MACROD2: variants seen among roughly 807,000 people sequenced by gnomAD.
MACROD2 encodes the protein ADP-ribose glycohydrolase MACROD2.
Under a neutral mutation model 70.4 loss-of-function variants are expected in MACROD2, and 36 were observed. That is an observed-to-expected ratio of 0.51 (90% CI 0.39 to 0.68). MACROD2 has a LOEUF of 0.68. Among genes scored for constraint, MACROD2 ranks in the 30% least tolerant of loss-of-function variants. The pLI is 0.00. For missense variants in MACROD2, 496 were observed against 538.4 expected, an observed-to-expected ratio of 0.92 and a Z score of 0.78; for synonymous variants, 172 against 178.8, an observed-to-expected ratio of 0.96 and a Z score of 0.30.
intron 5 of MACROD2, among the ~76,000 whole-genome samples, chr20:14,819,519 CA>C (rs2072815603): frequency 6.6e-6 from 1 of 151,914 alleles, no homozygotes; most frequent in South Asian, 2.1e-4. Context: ...GACAGAGAAA[CA>C]AAACCTTCCC....
intron 3 of MACROD2, among the ~76,000 whole-genome samples, chr20:14,279,971 T>C (rs2082293461): frequency 6.6e-6 from 1 of 152,184 alleles, no homozygotes; most frequent in African/African-American, 2.4e-5. Context: ...TATCCTACCC[T>C]ATGGGATAGT....
chr20:14,743,668 A>G (rs1851482545), intron 5 of MACROD2, among the ~76,000 whole-genome samples: 1 of 150,100 alleles, frequency 6.7e-6, no homozygotes, highest in African/African-American at 2.4e-5. Flanking sequence ...GATTTGTTAC[A>G]AGAGCAATAG....
chr20:14,386,606 C>G (rs776307235), intron 3 of MACROD2, among the ~76,000 whole-genome samples: 1 of 150,864 alleles, frequency 6.6e-6, no homozygotes, highest in Non-Finnish European at 1.5e-5. Flanking sequence ...CTCTTTCTCT[C>G]TCTCTCTTGC....
chr20:15,820,480 C>T (rs2063927861), intron 8 of MACROD2, among the ~76,000 whole-genome samples: 1 of 152,192 alleles, frequency 6.6e-6, no homozygotes, highest in African/African-American at 2.4e-5. Context: ...TCATGAACCA[C>T]TGTGCCTGGG....
chr20:15,779,809 G>A (rs1163604365), intron 8 of MACROD2, among the ~76,000 whole-genome samples: 3 of 152,092 alleles, frequency 2.0e-5, no homozygotes, highest in Admixed American at 6.6e-5. Flanking sequence ...AGAACCTGCC[G>A]CAGGAGATAT....
chr20:15,933,203 G>A, intron 10 of MACROD2, 73 bp from the exon 11 acceptor site: 1 of 1,410,516 alleles, frequency 7.1e-7, no homozygotes, highest in South Asian at 1.2e-5. Flanking sequence ...TTTCAGTGCT[G>A]CATATTAGCC....
chr20:15,237,856 CCCAGCATTT>C (rs2077027873), intron 6 of MACROD2, among the ~76,000 whole-genome samples: 1 of 152,074 alleles, frequency 6.6e-6, no homozygotes, highest in Admixed American at 6.5e-5. Flanking sequence ...TCATTAACTT[CCCAGCATTT>C]CTTATCTGCC....
chr20:14,930,561 T>G (rs2074284622), intron 5 of MACROD2, among the ~76,000 whole-genome samples: 3 of 152,050 alleles, frequency 2.0e-5, no homozygotes, highest in Non-Finnish European at 4.4e-5. Context: ...ACCTAACTTT[T>G]AGCATTGTTG....
intron 3 of MACROD2, among the ~76,000 whole-genome samples, chr20:14,328,013 C>T (rs1413112230): frequency 6.6e-6 from 1 of 151,882 alleles, no homozygotes. Flanking sequence ...TTTATATTTA[C>T]TTTTTATTAG....
chr20:14,116,141 T>G (rs981197432), intron 3 of MACROD2, among the ~76,000 whole-genome samples: 7 of 152,204 alleles, frequency 4.6e-5, no homozygotes, highest in African/African-American at 1.7e-4. Flanking sequence ...TAGGAAGCAA[T>G]TCTACTCATT....
chr20:15,040,422 T>C (rs1303130682), intron 5 of MACROD2, among the ~76,000 whole-genome samples: 3 of 152,058 alleles, frequency 2.0e-5, no homozygotes, highest in African/African-American at 7.2e-5. Context: ...ATGGTGACAA[T>C]GGTTTACTCT....
intron 5 of MACROD2, among the ~76,000 whole-genome samples, chr20:15,207,524 C>T (rs968548086): frequency 1.4e-5 from 2 of 144,514 alleles, no homozygotes; most frequent in African/African-American, 5.2e-5. Context: ...CTTACTGCAA[C>T]CTCTGCCTCC....
At chr20:15,551,297 GTTC>G (rs2146587668) in intron 8 of MACROD2, among the ~76,000 whole-genome samples, 1 of 149,154 alleles carries the variant, frequency 6.7e-6, no homozygotes, top group South Asian at 2.1e-4. Flanking sequence ...TCCTATTTCA[GTTC>G]TTCTTCCTTA....
chr20:15,820,513 A>G (rs1457567569), intron 8 of MACROD2, among the ~76,000 whole-genome samples: 1 of 152,132 alleles, frequency 6.6e-6, no homozygotes, highest in Non-Finnish European at 1.5e-5. Flanking sequence ...TTTTTAGTAC[A>G]GTAGTTTGAA....
chr20:15,096,808 ATT>A (rs11479076), intron 5 of MACROD2, among the ~76,000 whole-genome samples: 3,754 of 93,582 alleles, frequency 0.04, 47 homozygotes, highest in Middle Eastern at 0.18. Context: ...CACTATGCTA[ATT>A]TTTTTTTTTT....
intron 5 of MACROD2, among the ~76,000 whole-genome samples, chr20:14,903,039 C>CTTTTT (rs11483540): frequency 2.6e-5 from 3 of 116,756 alleles, no homozygotes; most frequent in Non-Finnish European, 5.1e-5. Context: ...TTTTCTTTCC[C>CTTTTT]TTTTTTTTTT....
At chr20:14,734,869 C>A (rs761982334) in intron 5 of MACROD2, among the ~76,000 whole-genome samples, 4 of 152,100 alleles carry the variant, frequency 2.6e-5, no homozygotes, top group Non-Finnish European at 4.4e-5. Context: ...ACAAGACTAT[C>A]AAGACCATTG....
At chr20:15,960,646 C>T (rs551936991) in intron 12 of MACROD2, among the ~76,000 whole-genome samples, 4 of 152,214 alleles carry the variant, frequency 2.6e-5, no homozygotes, top group East Asian at 3.9e-4. Context: ...ACTGAGACTC[C>T]GTTCCCCTAA....
At chr20:15,601,233 C>T (rs922081574) in intron 8 of MACROD2, among the ~76,000 whole-genome samples, 9 of 152,176 alleles carry the variant, frequency 5.9e-5, no homozygotes, top group African/African-American at 2.2e-4. Flanking sequence ...GTCTATTGGA[C>T]TGTCCAAGTG....
Sources: allele counts gnomAD v4.1 joint callset (sites outside exome capture counted in the v4.1 genomes callset), GRCh38; gene constraint gnomAD v4.1.1; transcripts MANE v1.5; gene names NCBI Gene and HGNC (gene_info 2026-07-23, HGNC 2026-07-21).